MAMLD1: variants seen among roughly 807,000 people sequenced by gnomAD.
MAMLD1 encodes the protein mastermind-like domain-containing protein 1.
In MAMLD1, 14 loss-of-function variants were observed where a neutral mutation model predicts 45.0. That is an observed-to-expected ratio of 0.31 (90% CI 0.21 to 0.49). MAMLD1 has a LOEUF of 0.49. Among genes scored for constraint, MAMLD1 ranks in the 20% least tolerant of loss-of-function variants. MAMLD1 has a pLI of 0.99. For synonymous variants in MAMLD1, 254 were observed against 247.8 expected, an observed-to-expected ratio of 1.02 and a Z score of -0.24; for missense variants, 543 against 603.6, an observed-to-expected ratio of 0.90 and a Z score of 1.05.
In MAMLD1 at chrX:150,437,586, A is replaced by T. The variant is rs781936056; in HGVS notation, c.-63-7868A>T. Reference sequence around the variant, plus strand: ...GGTTTTTATCATGAATAAGTGTTGAATTTTGTTGAAGGCTTTTTCTGCATC... The same window carrying T: ...GGTTTTTATCATGAATAAGTGTTGATTTTTGTTGAAGGCTTTTTCTGCATC... On this transcript the variant is annotated intron_variant, in intron 1 of 7. Transcript: ENST00000370401. Among the ~76,000 whole-genome samples, 21 of 111,762 alleles carry T rather than the reference A, an allele frequency of 1.9e-4. No homozygotes were observed. The South Asian group carries it at 7.5e-3, about 40-fold the overall frequency.
At chrX:150,440,877 T>A (rs1423797553) in intron 1 of MAMLD1, among the ~76,000 whole-genome samples, 1 of 104,520 alleles carries the variant, frequency 9.6e-6, no homozygotes, top group African/African-American at 3.4e-5. Context: ...ATTAATAATA[T>A]TTAATATTTA....
chrX:150,508,464 A>AG (rs1244809399), intron 6 of MAMLD1, among the ~76,000 whole-genome samples: 5 of 108,585 alleles, frequency 4.6e-5, no homozygotes, highest in African/African-American at 1.7e-4. Context: ...GCTCCAGTGG[A>AG]GGGGGAGGCA....
chrX:150,459,404 C>T (rs2035968367), intron 2 of MAMLD1, among the ~76,000 whole-genome samples: 1 of 111,091 alleles, frequency 9.0e-6, no homozygotes, highest in Non-Finnish European at 1.9e-5. Flanking sequence ...CTCTCTCTCT[C>T]TCTCTTTCTC....
intron 5 of MAMLD1, among the ~76,000 whole-genome samples, chrX:150,496,704 C>T (rs2037389152): frequency 1.8e-5 from 2 of 111,910 alleles, no homozygotes; most frequent in Non-Finnish European, 3.8e-5. Flanking sequence ...TAGCATGATG[C>T]CCAGTGGCCC....
chrX:150,422,908 C>T (rs1303572003), intron 1 of MAMLD1, among the ~76,000 whole-genome samples: 2 of 111,806 alleles, frequency 1.8e-5, no homozygotes, highest in African/African-American at 6.5e-5. Flanking sequence ...CCACCCTGTC[C>T]AAGGGGCTTT....
At position 150,512,081 on chromosome X, in the gene MAMLD1, A is replaced by G; in HGVS notation, c.*122A>G. On this transcript the variant is annotated 3_prime_UTR_variant, in exon 8 of 8. Transcript: ENST00000370401. ...ATCTAGCAAGCACTTGATGCCACCC[A>G]GAACTGGGCTTCTTCAGAACAATCT... 1 of 1,146,186 alleles carries G rather than the reference A, an allele frequency of 8.7e-7. No individual in the cohort carries two copies. Among genetic ancestry groups the G allele is most frequent in the African/African-American group, 1.8e-5 (1 of 56,217 alleles). 94.5% of individuals were successfully genotyped at this position (1,146,186 alleles called of 1,213,427 possible).
chrX:150,475,312 T>A (rs966207052), intron 5 of MAMLD1, among the ~76,000 whole-genome samples: 3 of 111,314 alleles, frequency 2.7e-5, no homozygotes, highest in Admixed American at 9.6e-5. Flanking sequence ...CAAGTGATCC[T>A]CCCACCTCAG....
At chrX:150,455,882 G>C (rs1178429221) in intron 2 of MAMLD1, among the ~76,000 whole-genome samples, 1 of 108,611 alleles carries the variant, frequency 9.2e-6, no homozygotes, top group Non-Finnish European at 1.9e-5. Flanking sequence ...GCACTTGAGA[G>C]CTCATTAAGG....
intron 1 of MAMLD1, among the ~76,000 whole-genome samples, chrX:150,398,317 GA>G (rs1569564583): frequency 9.8e-4 from 95 of 97,338 alleles, no homozygotes; most frequent in Middle Eastern, 9.8e-3. Flanking sequence ...AGAAGAAGAA[GA>G]AGAAGAAGAA....
chrX:150,500,770 T>C (rs2037526724), intron 5 of MAMLD1, among the ~76,000 whole-genome samples: 1 of 106,590 alleles, frequency 9.4e-6, no homozygotes, highest in African/African-American at 3.4e-5. Flanking sequence ...CTGTGGAGGT[T>C]GTACCTCACA....
At chrX:150,401,533 C>T (rs2033765332) in intron 1 of MAMLD1, among the ~76,000 whole-genome samples, 1 of 106,736 alleles carries the variant, frequency 9.4e-6, no homozygotes, top group Admixed American at 1.0e-4. Context: ...CCCCATCAAG[C>T]TACCAATGAC....
chrX:150,507,749 C>G (rs1557408911), intron 6 of MAMLD1, among the ~76,000 whole-genome samples: 1 of 112,448 alleles, frequency 8.9e-6, no homozygotes, highest in Non-Finnish European at 1.9e-5. Context: ...CCTGCCCTGC[C>G]CCGGCGTGGC....
chrX:150,477,619 C>T (rs1307299385), intron 5 of MAMLD1, among the ~76,000 whole-genome samples: 1 of 111,835 alleles, frequency 8.9e-6, no homozygotes, highest in Non-Finnish European at 1.9e-5. Context: ...TCCTGAGTGC[C>T]CCTGACCGTG....
At chrX:150,436,687 C>A (rs1557404293) in intron 1 of MAMLD1, among the ~76,000 whole-genome samples, 1 of 111,715 alleles carries the variant, frequency 9.0e-6, no homozygotes, top group Admixed American at 9.5e-5. Flanking sequence ...TGATGATCAT[C>A]ATTTCTATCC....
chrX:150,388,417 G>A (rs1405259811), intron 1 of MAMLD1, among the ~76,000 whole-genome samples: 5 of 111,707 alleles, frequency 4.5e-5, no homozygotes, highest in Non-Finnish European at 9.4e-5. Flanking sequence ...AAGAGAATGT[G>A]CAGAATTGGT....
At chrX:150,460,229 G>A (rs1027136432) in intron 2 of MAMLD1, among the ~76,000 whole-genome samples, 7 of 111,769 alleles carry the variant, frequency 6.3e-5, no homozygotes, top group Non-Finnish European at 1.1e-4. Flanking sequence ...AGGCTTCCAT[G>A]TCCAATCCCA....
intron 1 of MAMLD1, among the ~76,000 whole-genome samples, chrX:150,432,860 C>T (rs2034999719): frequency 8.9e-6 from 1 of 112,188 alleles, no homozygotes; most frequent in Admixed American, 9.4e-5. Flanking sequence ...ATGCCTCCAG[C>T]TTTGCTCTTT....
At chrX:150,503,159 G>A (rs782763794) in intron 5 of MAMLD1, 115 bp from the exon 6 acceptor site, 5 of 648,268 alleles carry the variant, frequency 7.7e-6, no homozygotes, top group Non-Finnish European at 1.0e-5. Flanking sequence ...AAAGCAGTTG[G>A]TGGGTATAAC....
chrX:150,399,981 G>A (rs1441272221), intron 1 of MAMLD1, among the ~76,000 whole-genome samples: 1 of 111,894 alleles, frequency 8.9e-6, no homozygotes, highest in Non-Finnish European at 1.9e-5. Flanking sequence ...TTAGGACCCA[G>A]CCTGCCCTGT....
Sources: gnomAD v4.1 joint callset for allele counts (sites outside exome capture counted in the v4.1 genomes callset) on GRCh38, gnomAD v4.1.1 for gene constraint, MANE v1.5 for transcripts, NCBI Gene and HGNC (gene_info 2026-07-23, HGNC 2026-07-21) for gene names.